EPHA6: variants seen among roughly 807,000 people sequenced by gnomAD.
The protein encoded by EPHA6 is ephrin type-A receptor 6.
Under a neutral mutation model 112.0 loss-of-function variants are expected in EPHA6, and 50 were observed. The ratio of observed to expected loss-of-function variants is 0.45; its 90% CI spans 0.36 to 0.56. The LOEUF (loss-of-function observed/expected upper bound fraction) is 0.56, where lower values mean the gene tolerates loss of function less well. EPHA6 is among the 20% of genes least tolerant of loss of function. EPHA6 has a pLI of 0.00. For missense variants in EPHA6, 1,280 were observed against 1,417.4 expected, an observed-to-expected ratio of 0.90 and a Z score of 1.56; for synonymous variants, 529 against 490.7, an observed-to-expected ratio of 1.08 and a Z score of -1.03.
At chr3:97,626,940 T>C (rs1281252558) in intron 13 of EPHA6, among the ~76,000 whole-genome samples, 1 of 151,864 alleles carries the variant, frequency 6.6e-6, no homozygotes, top group Non-Finnish European at 1.5e-5. Flanking sequence ...TGGGAGTCTG[T>C]GGCTGAAATA....
chr3:97,744,483 G>T (rs1402537151), intron 16 of EPHA6, among the ~76,000 whole-genome samples: 2 of 151,972 alleles, frequency 1.3e-5, no homozygotes, highest in Admixed American at 1.3e-4. Context: ...AAAAGTTATT[G>T]CACAGTGTCT....
At chr3:97,344,293 A>G (rs1322082479) in intron 5 of EPHA6, among the ~76,000 whole-genome samples, 2 of 152,136 alleles carry the variant, frequency 1.3e-5, no homozygotes, top group Admixed American at 6.6e-5. Context: ...GTGGAGTGCT[A>G]TGGACTGAAT....
In EPHA6 at chr3:97,244,300, G is replaced by C. The variant is rs748366898; in HGVS notation, c.1606+13G>C. 4 of 1,609,484 alleles carry C rather than the reference G, an allele frequency of 2.5e-6. No individual in the cohort carries two copies. The highest frequency in any genetic ancestry group is 8.5e-7 in the Non-Finnish European group (1 of 1,176,602). ...ACGGATCAAGATGGTAAGTTCCACT[G>C]CTGTTCTCTCAAAACAGACCCATAA... is the stretch of plus-strand genomic sequence containing the variant. On this transcript the variant is annotated intron_variant, in intron 5 of 17. Transcript: ENST00000389672.
intron 10 of EPHA6, among the ~76,000 whole-genome samples, chr3:97,500,330 T>A (rs1031850238): frequency 1.1e-4 from 17 of 152,178 alleles, no homozygotes; most frequent in African/African-American, 3.9e-4. Context: ...ATTCGACAGG[T>A]TGTACAGGAA....
chr3:96,872,756 G>T (rs902244320), intron 2 of EPHA6, among the ~76,000 whole-genome samples: 4 of 151,624 alleles, frequency 2.6e-5, no homozygotes, highest in South Asian at 2.1e-4. Flanking sequence ...TTCTTTCAAG[G>T]TTCTTTATAT....
chr3:97,663,925 G>A (rs1363987416), intron 14 of EPHA6, among the ~76,000 whole-genome samples: 1 of 152,122 alleles, frequency 6.6e-6, no homozygotes, highest in Non-Finnish European at 1.5e-5. Flanking sequence ...CTTCCACAAT[G>A]GTTGAACTAG....
chr3:97,439,969 T>C (rs2090049650), intron 6 of EPHA6, among the ~76,000 whole-genome samples: 1 of 152,146 alleles, frequency 6.6e-6, no homozygotes, highest in Non-Finnish European at 1.5e-5. Context: ...GATTCCTTTG[T>C]GGATATCAAT....
intron 12 of EPHA6, among the ~76,000 whole-genome samples, chr3:97,602,642 A>C (rs890541528): frequency 2.0e-5 from 3 of 152,082 alleles, no homozygotes; most frequent in Non-Finnish European, 4.4e-5. Context: ...TTGAGCTAAT[A>C]ATTACACTTG....
At chr3:96,861,760 C>T (rs1002716659) in intron 1 of EPHA6, among the ~76,000 whole-genome samples, 1 of 151,882 alleles carries the variant, frequency 6.6e-6, no homozygotes, top group Admixed American at 6.6e-5. Context: ...AAACAAAATG[C>T]TGTAAGTACA....
chr3:97,058,065 T>G (rs1228676838), intron 3 of EPHA6, among the ~76,000 whole-genome samples: 1 of 152,194 alleles, frequency 6.6e-6, no homozygotes. Context: ...TGAAAATAAT[T>G]TATAGTATTT....
intron 2 of EPHA6, among the ~76,000 whole-genome samples, chr3:96,888,704 G>T (rs942263278): frequency 8.5e-5 from 13 of 152,136 alleles, no homozygotes; most frequent in Non-Finnish European, 1.6e-4. Context: ...TTCTTTCTAG[G>T]CCTCTGGGCC....
chr3:97,515,565 T>C (rs765128583), intron 10 of EPHA6, among the ~76,000 whole-genome samples: 5 of 152,184 alleles, frequency 3.3e-5, no homozygotes, highest in Non-Finnish European at 7.3e-5. Flanking sequence ...TACTCTAAAG[T>C]GAAGCTCTTT....
At chr3:97,027,809 C>A (rs1189733470) in intron 3 of EPHA6, among the ~76,000 whole-genome samples, 1 of 152,154 alleles carries the variant, frequency 6.6e-6, no homozygotes, top group Admixed American at 6.5e-5. Flanking sequence ...GTGGCCGTAA[C>A]TACTATTAGG....
chr3:97,593,920 T>A lies in EPHA6; in HGVS notation c.2512+1183T>A, dbSNP rs185706529. ...AATTTTCACTTTATTGGGTGTTATA[T>A]AGCCCTTTTTCTCCTTAGAGAAAGA... On this transcript the variant is annotated intron_variant, in intron 12 of 17. Transcript: ENST00000389672. Among the ~76,000 whole-genome samples, 9 of 152,310 alleles carry A rather than the reference T, an allele frequency of 5.9e-5. No individual in the cohort carries two copies. The East Asian group carries it at 1.5e-3, about 26-fold the overall frequency.
chr3:97,460,516 G>A (rs2107381556), intron 7 of EPHA6, among the ~76,000 whole-genome samples: 1 of 152,260 alleles, frequency 6.6e-6, no homozygotes, highest in Middle Eastern at 3.4e-3. Flanking sequence ...CAAACAATAA[G>A]CAAAACATTT....
intron 3 of EPHA6, among the ~76,000 whole-genome samples, chr3:97,160,158 T>C (rs753137595): frequency 6.6e-6 from 1 of 152,120 alleles, no homozygotes; most frequent in Non-Finnish European, 1.5e-5. Flanking sequence ...AATGACAAGG[T>C]GGCCGGGAAA....
chr3:97,223,906 T>A (rs1020645490), intron 3 of EPHA6, among the ~76,000 whole-genome samples: 1 of 151,950 alleles, frequency 6.6e-6, no homozygotes, highest in Non-Finnish European at 1.5e-5. Flanking sequence ...TGAATAGATT[T>A]CTGTGTTTAA....
At chr3:97,292,818 G>A (rs1559857010) in intron 5 of EPHA6, among the ~76,000 whole-genome samples, 1 of 150,484 alleles carries the variant, frequency 6.6e-6, no homozygotes, top group East Asian at 2.0e-4. Context: ...ATCCCGGTGA[G>A]CGTCCTGCTC....
At chr3:96,908,164 T>C (rs2039034715) in intron 2 of EPHA6, among the ~76,000 whole-genome samples, 1 of 151,958 alleles carries the variant, frequency 6.6e-6, no homozygotes, top group Non-Finnish European at 1.5e-5. Context: ...CAATGTAAAA[T>C]GGTATACCTG....
Sources: gnomAD v4.1 joint callset for allele counts (sites outside exome capture counted in the v4.1 genomes callset) on GRCh38, gnomAD v4.1.1 for gene constraint, MANE v1.5 for transcripts, NCBI Gene and HGNC (gene_info 2026-07-23, HGNC 2026-07-21) for gene names.